Variants in EGFLAM observed in about 807,000 individuals in gnomAD.
EGFLAM encodes EGF like, fibronectin type III and laminin G domains.
In EGFLAM, 79 loss-of-function variants were observed where a neutral mutation model predicts 113.1. The ratio of observed to expected loss-of-function variants is 0.70; its 90% CI spans 0.58 to 0.84. The LOEUF is 0.84. Ranked by LOEUF, EGFLAM falls within the 40% of genes least tolerant of loss-of-function variation. The probability of loss-of-function intolerance (pLI) is 0.00; values close to 1 mark genes in which losing one functional copy is unlikely to be tolerated. For missense variants in EGFLAM, 1,265 were observed against 1,291.6 expected (o/e 0.98, Z 0.32); for synonymous variants, 504 against 487.6 (o/e 1.03, Z -0.44).
chr5:38,365,060 C>A (rs550946541), intron 5 of EGFLAM, among the ~76,000 whole-genome samples: 1 of 152,126 alleles, frequency 6.6e-6, no homozygotes, highest in East Asian at 1.9e-4. Context: ...GTTGTATCCC[C>A]TAGAGGACAG....
intron 2 of EGFLAM, 88 bp from the exon 3 acceptor site, chr5:38,338,610 G>A: frequency 8.8e-6 from 11 of 1,254,766 alleles, no homozygotes; most frequent in Non-Finnish European, 1.3e-5. Flanking sequence ...GCACCTCAGA[G>A]CCTGCTGCCA....
chr5:38,455,745 T>C (rs1743066095), intron 19 of EGFLAM, among the ~76,000 whole-genome samples: 1 of 152,178 alleles, frequency 6.6e-6, no homozygotes, highest in African/African-American at 2.4e-5. Context: ...TGGATTCCTG[T>C]CTGCCAGGTT....
chr5:38,437,101 A>G (rs531068040), intron 16 of EGFLAM, among the ~76,000 whole-genome samples: 1 of 152,308 alleles, frequency 6.6e-6, no homozygotes, highest in Admixed American at 6.5e-5. Context: ...GGATCCATTT[A>G]TTTGGGGCTA....
chr5:38,354,155 A>G (rs1739702378), intron 5 of EGFLAM, among the ~76,000 whole-genome samples: 1 of 152,118 alleles, frequency 6.6e-6, no homozygotes, highest in East Asian at 1.9e-4. Context: ...ATTTTTTTTT[A>G]TAATGCCCAC....
intron 3 of EGFLAM, among the ~76,000 whole-genome samples, chr5:38,348,090 T>A (rs1044078456): frequency 1.3e-5 from 2 of 152,028 alleles, no homozygotes; most frequent in African/African-American, 4.8e-5. Flanking sequence ...AGTGAAGCTA[T>A]GTTTTGGTTT....
At chr5:38,356,795 T>C (rs79148190) in intron 5 of EGFLAM, among the ~76,000 whole-genome samples, 64 of 152,248 alleles carry the variant, frequency 4.2e-4, no homozygotes, top group African/African-American at 1.4e-3. Context: ...TATAGGTGAG[T>C]GAATGTATGT....
chr5:38,406,903 C>A lies in EGFLAM; in HGVS notation c.904C>A (p.Pro302Thr), dbSNP rs371899172. Reference sequence around the variant, plus strand: ...AAGCAAGAAGATGTCTATATCTAACCCAAAGACCATTTCTAGGCTCATCCC... The same window carrying A: ...AAGCAAGAAGATGTCTATATCTAACACAAAGACCATTTCTAGGCTCATCCC... ...VESKKMSISNPKTISRLIPPT... is the reference protein window; with the variant it reads ...VESKKMSISNTKTISRLIPPT... The change falls in exon 8 of 22, where the codon CCA (proline) becomes ACA (threonine). Residue 302 changes from proline to threonine, a missense_variant. Physicochemically the swap from Pro to Thr is conservative, Grantham distance 38 (BLOSUM62 -1). Transcript: ENST00000322350. The A allele has an allele frequency of 9.0e-5, 145 of 1,614,162 alleles. No homozygotes were observed. Among genetic ancestry groups the A allele is most frequent in the Non-Finnish European group, 1.2e-4 (137 of 1,180,036 alleles).
At chr5:38,331,627 T>C (rs771703925) in intron 1 of EGFLAM, among the ~76,000 whole-genome samples, 1 of 152,160 alleles carries the variant, frequency 6.6e-6, no homozygotes, top group Non-Finnish European at 1.5e-5. Context: ...GGGACTGATA[T>C]ATCATTTCCA....
chr5:38,375,785 A>T (rs1271156060), intron 6 of EGFLAM, among the ~76,000 whole-genome samples: 5 of 152,152 alleles, frequency 3.3e-5, no homozygotes, highest in African/African-American at 9.7e-5. Flanking sequence ...GTTCCACTGC[A>T]ATGTTGAGAA....
At position 38,280,607 on chromosome 5, in the gene EGFLAM, C is replaced by T. The variant is rs368984872; in HGVS notation, c.97+21756C>T. Among the ~76,000 whole-genome samples the T allele has an allele frequency of 5.9e-5, 9 of 152,290 alleles. No individual in the cohort carries two copies. In the East Asian group the frequency reaches 7.7e-4, roughly 13 times the overall value. Reference sequence around the variant, plus strand: ...CATGGCTTCCAACTCTGGCTGGCTCCGTGACACCACTCTCCAGTTGCACTC... The same window carrying T: ...CATGGCTTCCAACTCTGGCTGGCTCTGTGACACCACTCTCCAGTTGCACTC... On this transcript the variant is annotated intron_variant, in intron 1 of 21. Transcript: ENST00000322350.
At chr5:38,329,113 T>G (rs1301540319) in intron 1 of EGFLAM, among the ~76,000 whole-genome samples, 1 of 151,840 alleles carries the variant, frequency 6.6e-6, no homozygotes. Context: ...AGTGAGACCC[T>G]GTTTCTACAA....
chr5:38,438,257 A>C lies in EGFLAM; in HGVS notation c.2284-18A>C. On this transcript the variant is annotated intron_variant, in intron 16 of 21. Coordinates refer to ENST00000322350, the MANE Select transcript of EGFLAM (RefSeq NM_152403.4). The stretch of plus-strand genomic sequence containing the variant: ...TGTTTCTTAATTCCTGAATTTCTTT[A>C]TGTTTTTCTCTCTCAAGATCATCCT... 2 of 1,597,604 alleles carry C rather than the reference A, an allele frequency of 1.3e-6. No individual in the cohort carries two copies. Among genetic ancestry groups the C allele is most frequent in the South Asian group, 1.1e-5 (1 of 88,144 alleles).
intron 14 of EGFLAM, among the ~76,000 whole-genome samples, chr5:38,430,478 C>T (rs1032872770): frequency 3.4e-4 from 52 of 152,172 alleles, no homozygotes; most frequent in African/African-American, 1.3e-3. Context: ...GCTGTTGTTA[C>T]TAAGCAGTAA....
rs80142954 is a variant in EGFLAM, at chr5:38,414,920, G to T, written c.1494+2272G>T. Reference sequence around the variant, plus strand: ...AGTGCAACAGACTATCTCAGGAGAGGGGGGCATCCTTGGGAGGTGTTCAAG... The same window carrying T: ...AGTGCAACAGACTATCTCAGGAGAGTGGGGCATCCTTGGGAGGTGTTCAAG... On this transcript the variant is annotated intron_variant, in intron 11 of 21. Transcript: ENST00000322350. Among the ~76,000 whole-genome samples, 579 of 152,244 alleles carry T rather than the reference G, an allele frequency of 3.8e-3. 4 individuals are homozygous for T. Among genetic ancestry groups the T allele is most frequent in the African/African-American group, 0.013 (554 of 41,534 alleles).
intron 5 of EGFLAM, among the ~76,000 whole-genome samples, chr5:38,358,270 C>T (rs1451477181): frequency 6.6e-6 from 1 of 151,146 alleles, no homozygotes; most frequent in Non-Finnish European, 1.5e-5. Flanking sequence ...ACGATGAAAC[C>T]CCGTCTCTAC....
At chr5:38,306,094 C>T (rs1758711132) in intron 1 of EGFLAM, among the ~76,000 whole-genome samples, 1 of 152,168 alleles carries the variant, frequency 6.6e-6, no homozygotes, top group African/African-American at 2.4e-5. Context: ...TCAGAATGGC[C>T]TGACCTACAG....
chr5:38,298,399 G>A (rs2589779), intron 1 of EGFLAM, among the ~76,000 whole-genome samples: 94,709 of 151,966 alleles, frequency 0.62, 31,329 homozygotes, highest in African/African-American at 0.85. Flanking sequence ...TCTCCCTAGG[G>A]GCATGGTGCT....
chr5:38,444,956 A>C (rs1742660498), intron 17 of EGFLAM, among the ~76,000 whole-genome samples: 1 of 152,182 alleles, frequency 6.6e-6, no homozygotes, highest in African/African-American at 2.4e-5. Context: ...AAAAATAATA[A>C]TAATAGTAAT....
intron 15 of EGFLAM, among the ~76,000 whole-genome samples, chr5:38,431,871 A>G (rs1742201113): frequency 6.6e-6 from 1 of 152,254 alleles, no homozygotes; most frequent in Admixed American, 6.5e-5. Context: ...AAAACACAAC[A>G]GTACCTGATG....
Sources: allele counts gnomAD v4.1 joint callset (sites outside exome capture counted in the v4.1 genomes callset), GRCh38; gene constraint gnomAD v4.1.1; transcripts MANE v1.5; gene names NCBI Gene and HGNC (gene_info 2026-07-23, HGNC 2026-07-21).